The following ZNF783 variants were observed in gnomAD, a reference collection of about 807,000 sequenced individuals.
The protein encoded by ZNF783 is zinc finger protein 783.
A neutral mutation model predicts 31.3 loss-of-function variants in ZNF783; 25 were observed. That is an observed-to-expected ratio of 0.80 (90% CI 0.58 to 1.11). The LOEUF (loss-of-function observed/expected upper bound fraction) is 1.11, where lower values mean the gene tolerates loss of function less well. ZNF783 is among the 50% of genes most tolerant of loss of function. The pLI is 0.00. For missense variants in ZNF783, 797 were observed against 760.0 expected, an observed-to-expected ratio of 1.05 and a Z score of -0.57; for synonymous variants, 369 against 319.1, an observed-to-expected ratio of 1.16 and a Z score of -1.66.
intron 4 of ZNF783, among the ~76,000 whole-genome samples, chr7:149,272,769 AAAAT>A (rs1427594850): frequency 1.3e-5 from 2 of 152,190 alleles, no homozygotes; most frequent in Non-Finnish European, 2.9e-5. Context: ...TAGTTATTAT[AAAAT>A]GTACAATTAA....
chr7:149,263,154 C>T (rs1206851167), intron 1 of ZNF783, among the ~76,000 whole-genome samples: 1 of 151,750 alleles, frequency 6.6e-6, no homozygotes, highest in African/African-American at 2.4e-5. Context: ...GTCTCGAACC[C>T]CTGACCTCGT....
chr7:149,263,104 T>A (rs1296877047), intron 1 of ZNF783, among the ~76,000 whole-genome samples: 1 of 151,554 alleles, frequency 6.6e-6, no homozygotes, highest in Non-Finnish European at 1.5e-5. Context: ...AATTTTTCTA[T>A]TTTTGGTAGA....
In ZNF783 at chr7:149,278,437, A is replaced by G. The variant is rs1019985726; in HGVS notation, c.712A>G (p.Ser238Gly). 3 of 1,599,236 alleles carry G rather than the reference A, an allele frequency of 1.9e-6. No homozygotes were observed. Among genetic ancestry groups the G allele is most frequent in the Non-Finnish European group, 2.5e-6 (3 of 1,179,776 alleles). Residue 238 changes from serine to glycine, a missense_variant, in exon 5 of 6, where the codon AGC becomes GGC. Physicochemically the swap from Ser to Gly is moderately conservative, Grantham distance 56. Transcript: ENST00000434415. ...PYPEHLTSPL[S>G]PAQEELKEGQ... ...TCCAGAGCACCTCACCAGCCCACTT[A>G]GCCCTGCCCAGGAGGAGCTGAAAGA...
chr7:149,271,491 A>G (rs1563196283), intron 4 of ZNF783, among the ~76,000 whole-genome samples: 1 of 152,232 alleles, frequency 6.6e-6, no homozygotes, highest in Non-Finnish European at 1.5e-5. Flanking sequence ...GGGCAAAATA[A>G]TGCCTTTTAA....
At chr7:149,278,329 A>G in intron 4 of ZNF783, 70 bp from the exon 5 acceptor site, 4 of 1,585,378 alleles carry the variant, frequency 2.5e-6, no homozygotes, top group East Asian at 2.3e-5. Flanking sequence ...GCCTTTCCCC[A>G]GAGGGTCCCT....
intron 4 of ZNF783, among the ~76,000 whole-genome samples, chr7:149,273,110 T>C (rs1426272260): frequency 2.0e-5 from 3 of 152,036 alleles, no homozygotes; most frequent in African/African-American, 7.2e-5. Context: ...AGTATTACTC[T>C]ATTGTGTATA....
At chr7:149,279,099 G>A (rs966712904) in intron 5 of ZNF783, among the ~76,000 whole-genome samples, 6 of 152,222 alleles carry the variant, frequency 3.9e-5, no homozygotes, top group Admixed American at 2.6e-4. Context: ...GTTCCTCTGC[G>A]GGGCTGGCTC....
chr7:149,274,569 T>G (rs917206514), intron 4 of ZNF783, among the ~76,000 whole-genome samples: 5 of 152,232 alleles, frequency 3.3e-5, no homozygotes, highest in African/African-American at 1.2e-4. Flanking sequence ...TTTCACCATA[T>G]TGGTCAGGCT....
chr7:149,262,474 C>T (rs1472767291), intron 1 of ZNF783, 117 bp downstream of exon 1: 2 of 872,698 alleles, frequency 2.3e-6, no homozygotes, highest in Non-Finnish European at 2.9e-6. Context: ...GCGCAGCCTC[C>T]GCGCTCGTTG....
chr7:149,279,014 C>G (rs906885286), intron 5 of ZNF783, among the ~76,000 whole-genome samples: 2 of 152,244 alleles, frequency 1.3e-5, no homozygotes, highest in Admixed American at 6.5e-5. Context: ...CCCTGCCTGT[C>G]CTTTCACAAA....
At chr7:149,268,696 G>A (rs1027713343) in intron 4 of ZNF783, among the ~76,000 whole-genome samples, 27 of 152,142 alleles carry the variant, frequency 1.8e-4, no homozygotes, top group Non-Finnish European at 3.4e-4. Context: ...GTGAGAACAT[G>A]CAATATTTGG....
chr7:149,276,181 A>T (rs1797324844), intron 4 of ZNF783: 2 of 259,866 alleles, frequency 7.7e-6, no homozygotes, highest in South Asian at 2.9e-4. Flanking sequence ...ATGAGCCACT[A>T]CGCCCGGCCT....
chr7:149,277,165 C>G (rs1797352843), intron 4 of ZNF783: 1 of 152,164 alleles, frequency 6.6e-6, no homozygotes, highest in African/African-American at 2.4e-5. Context: ...TCTTTTATCT[C>G]TGACAAGGCA....
chr7:149,264,357 G>C (rs1797010281), intron 1 of ZNF783, among the ~76,000 whole-genome samples: 1 of 152,176 alleles, frequency 6.6e-6, no homozygotes, highest in Admixed American at 6.5e-5. Flanking sequence ...GCATACAGAG[G>C]ATGCATATTG....
At chr7:149,267,878 C>T (rs1345423386) in intron 4 of ZNF783, among the ~76,000 whole-genome samples, 6 of 152,172 alleles carry the variant, frequency 3.9e-5, no homozygotes, top group Non-Finnish European at 8.8e-5. Flanking sequence ...GTCCATGTCC[C>T]CGCTATTGCT....
At chr7:149,281,409 G>GGCCC in intron 5 of ZNF783, 96 bp from the exon 6 acceptor site, 1 of 1,137,518 alleles carries the variant, frequency 8.8e-7, no homozygotes. Flanking sequence ...GGGGAGATAG[G>GGCCC]GCCCGGGCTG....
At chr7:149,274,364 C>CTT (rs1270564138) in intron 4 of ZNF783, among the ~76,000 whole-genome samples, 2 of 141,560 alleles carry the variant, frequency 1.4e-5, no homozygotes, top group East Asian at 2.0e-4. Flanking sequence ...TTTTCCTTTT[C>CTT]TTTTTTTTTT....
At chr7:149,272,117 A>C (rs887239376) in intron 4 of ZNF783, among the ~76,000 whole-genome samples, 1 of 152,174 alleles carries the variant, frequency 6.6e-6, no homozygotes, top group Non-Finnish European at 1.5e-5. Flanking sequence ...TCCTGGGTTC[A>C]AATGATTCTG....
At chr7:149,273,833 C>CA (rs1231009404) in intron 4 of ZNF783, among the ~76,000 whole-genome samples, 1 of 152,232 alleles carries the variant, frequency 6.6e-6, no homozygotes. Flanking sequence ...CATGGGCCAC[C>CA]ATGCCCAAGC....
Sources: allele counts gnomAD v4.1 joint callset (sites outside exome capture counted in the v4.1 genomes callset), GRCh38; gene constraint gnomAD v4.1.1; transcripts MANE v1.5; gene names NCBI Gene and HGNC (gene_info 2026-07-23, HGNC 2026-07-21).